HMOX2: variants seen among roughly 807,000 people sequenced by gnomAD.
The protein encoded by HMOX2 is heme oxygenase (decycling) 2.
Under a neutral mutation model 33.7 loss-of-function variants are expected in HMOX2, and 30 were observed. The ratio of observed to expected loss-of-function variants is 0.89; its 90% CI spans 0.67 to 1.21. The LOEUF is 1.21. Among genes scored for constraint, HMOX2 ranks in the 50% most tolerant of loss-of-function variants. The probability of loss-of-function intolerance (pLI) is 0.00; values close to 1 mark genes in which losing one functional copy is unlikely to be tolerated. For synonymous variants in HMOX2, 155 were observed against 155.0 expected (o/e 1.00, Z 0.00); for missense variants, 403 against 399.1 (o/e 1.01, Z -0.08).
chr16:4,506,098 T>C (rs990678145), intron 2 of HMOX2, among the ~76,000 whole-genome samples: 2 of 152,112 alleles, frequency 1.3e-5, no homozygotes, highest in Non-Finnish European at 1.5e-5. Context: ...CTTGAAATAA[T>C]TGCTAATAAT....
intron 1 of HMOX2, 137 bp from the exon 2 acceptor site, chr16:4,505,347 T>C (rs960393275): frequency 9.5e-6 from 5 of 524,550 alleles, no homozygotes; most frequent in Non-Finnish European, 1.7e-5. Context: ...ATGGCAGAGC[T>C]TTATTTTAAA....
At chr16:4,483,974 T>A (rs544026423) in intron 1 of HMOX2, among the ~76,000 whole-genome samples, 215 of 11,622 alleles carry the variant, frequency 0.018, 2 homozygotes, top group Non-Finnish European at 0.013. Context: ...TGCCCAAAAA[T>A]TTTTTTTTTT....
rs1177345272 is a variant in HMOX2, at chr16:4,509,950, C to T, written c.*194C>T. 1 of 632,824 alleles carries T rather than the reference C, an allele frequency of 1.6e-6. No homozygotes were observed. The highest frequency in any genetic ancestry group is 2.7e-6 in the Non-Finnish European group (1 of 369,050). The allele number at this position is 632,824 out of a possible 1,614,324, so 39.2% of individuals were successfully genotyped here. On this transcript the variant is annotated 3_prime_UTR_variant, in exon 6 of 6. Coordinates refer to ENST00000570646, the MANE Select transcript of HMOX2 (RefSeq NM_002134.4). The stretch of plus-strand genomic sequence containing the variant: ...TCTATGGGCCATATTCCGCACTGGG[C>T]ACAGGCCGTCACCCTGGGAGCAGTC...
intron 2 of HMOX2, among the ~76,000 whole-genome samples, 180 bp downstream of exon 2, chr16:4,505,790 C>G (rs1350040531): frequency 6.6e-6 from 1 of 152,230 alleles, no homozygotes; most frequent in African/African-American, 2.4e-5. Flanking sequence ...AGAACTCTCC[C>G]CACTGGTCCA....
chr16:4,498,866 G>C (rs2058488764), intron 1 of HMOX2, among the ~76,000 whole-genome samples: 3 of 152,174 alleles, frequency 2.0e-5, no homozygotes, highest in Non-Finnish European at 2.9e-5. Flanking sequence ...AGATGATGTG[G>C]CTTCTTCAGG....
intron 1 of HMOX2, among the ~76,000 whole-genome samples, chr16:4,491,455 G>A (rs2058303346): frequency 6.6e-6 from 1 of 151,948 alleles, no homozygotes; most frequent in Admixed American, 6.6e-5. Context: ...TTCAACACTC[G>A]CCTGGGCAAC....
In HMOX2 at chr16:4,508,154, A is replaced by C; in HGVS notation, c.646A>C (p.Lys216Gln). 6.2e-7 allele frequency: 1 copy of C among 1,613,816 alleles called. No homozygotes were observed. Among genetic ancestry groups the C allele is most frequent in the Non-Finnish European group, 8.5e-7 (1 of 1,179,880 alleles). Residue 216 changes from lysine (K) to glutamine (Q), a missense_variant, in exon 4 of 6, where the codon AAA becomes CAA. Lys to Gln is a moderately conservative substitution (Grantham distance 53, BLOSUM62 1). Transcript: ENST00000570646. ...CGCCCTGGACCTGAACATGAAGACC[A>C]AAGAGAGGATCGTGGAGGAGGCCAA... ...MNALDLNMKTKERIVEEANKA... is the reference protein window; with the variant it reads ...MNALDLNMKTQERIVEEANKA...
intron 2 of HMOX2, among the ~76,000 whole-genome samples, chr16:4,506,520 G>C (rs781012946): frequency 1.3e-5 from 2 of 152,206 alleles, no homozygotes; most frequent in Admixed American, 6.5e-5. Context: ...AAGGCAGGCT[G>C]TTCTTAGAGA....
At chr16:4,484,960 T>TC (rs1369599868) in intron 1 of HMOX2, among the ~76,000 whole-genome samples, 2 of 151,930 alleles carry the variant, frequency 1.3e-5, no homozygotes, top group Non-Finnish European at 2.9e-5. Flanking sequence ...GTTTTTTTTT[T>TC]CCCTGAAGAT....
intron 1 of HMOX2, among the ~76,000 whole-genome samples, chr16:4,477,338 A>C (rs2057885960): frequency 1.3e-5 from 2 of 151,224 alleles, no homozygotes; most frequent in Non-Finnish European, 2.9e-5. Context: ...GTCTCTACTA[A>C]AAATACAAAA....
chr16:4,505,000 A>G (rs993404881), intron 1 of HMOX2, among the ~76,000 whole-genome samples: 1 of 152,146 alleles, frequency 6.6e-6, no homozygotes, highest in Admixed American at 6.6e-5. Context: ...GCATACAGAA[A>G]AATGGTAAGA....
At chr16:4,490,883 C>A (rs2058288590) in intron 1 of HMOX2, among the ~76,000 whole-genome samples, 2 of 152,088 alleles carry the variant, frequency 1.3e-5, no homozygotes, top group Non-Finnish European at 2.9e-5. Flanking sequence ...GTGCTGTTGA[C>A]ATTTTGGGCT....
At position 4,509,902 on chromosome 16, in the gene HMOX2, AGCCTCTGC is replaced by A; in HGVS notation, c.*147_*154del. ...GCAACCAATAAAAGCCAGATGCTAG[AGCCTCTGC>A]CTGACAGCATCCTCTCTATGGGCCA... On this transcript the variant is annotated 3_prime_UTR_variant, in exon 6 of 6. Coordinates refer to ENST00000570646, the MANE Select transcript of HMOX2 (RefSeq NM_002134.4). 3.5e-6 allele frequency: 3 copies of A among 857,686 alleles called. No individual in the cohort carries two copies. Among genetic ancestry groups the A allele is most frequent in the South Asian group, 3.5e-5 (2 of 57,432 alleles). The allele number at this position is 857,686 out of a possible 1,614,324, so 53.1% of individuals were successfully genotyped here.
intron 1 of HMOX2, among the ~76,000 whole-genome samples, chr16:4,500,556 A>C (rs375284052): frequency 4.1e-4 from 63 of 152,194 alleles, no homozygotes; most frequent in African/African-American, 1.5e-3. Flanking sequence ...CTCTTCCTTC[A>C]GTTCAGGTTT....
chr16:4,477,497 T>TAAA (rs35695989), intron 1 of HMOX2, among the ~76,000 whole-genome samples: 3 of 72,650 alleles, frequency 4.1e-5, no homozygotes, highest in African/African-American at 1.1e-4. Flanking sequence ...AGACTCCATC[T>TAAA]AAAAAAAAAA....
intron 1 of HMOX2, among the ~76,000 whole-genome samples, chr16:4,498,221 C>A (rs1188250649): frequency 6.6e-6 from 1 of 151,862 alleles, no homozygotes; most frequent in Non-Finnish European, 1.5e-5. Context: ...CACACCACCA[C>A]ACCTGGCTAA....
chr16:4,490,051 AG>A, intron 1 of HMOX2, among the ~76,000 whole-genome samples: 1 of 152,246 alleles, frequency 6.6e-6, no homozygotes. Context: ...ATTGGGCAGT[AG>A]GAGGCCAAGA....
chr16:4,507,067 T>C, intron 3 of HMOX2, 55 bp downstream of exon 3: 1 of 1,185,828 alleles, frequency 8.4e-7, no homozygotes, highest in Non-Finnish European at 1.3e-6. Context: ...GTGGGGGCCT[T>C]GGTCCCATGA....
At chr16:4,484,160 G>C (rs2058103935) in intron 1 of HMOX2, among the ~76,000 whole-genome samples, 1 of 151,778 alleles carries the variant, frequency 6.6e-6, no homozygotes, top group African/African-American at 2.4e-5. Context: ...ATTTTTAGTA[G>C]AGACGGGGTT....
Sources: allele counts gnomAD v4.1 joint callset (sites outside exome capture counted in the v4.1 genomes callset), GRCh38; gene constraint gnomAD v4.1.1; transcripts MANE v1.5; gene names NCBI Gene and HGNC (gene_info 2026-07-23, HGNC 2026-07-21).